The following GPHN variants were observed in gnomAD, a reference collection of about 807,000 sequenced individuals.
GPHN encodes gephyrin.
Under a neutral mutation model 95.5 loss-of-function variants are expected in GPHN, and 17 were observed. The observed-to-expected ratio is 0.18, with a 90% CI of 0.12 to 0.27. The LOEUF (loss-of-function observed/expected upper bound fraction) is 0.27. GPHN is among the 10% of genes least tolerant of loss of function. GPHN has a pLI of 1.00. For missense variants in GPHN, 660 were observed against 978.1 expected (o/e 0.67, Z 4.34); for synonymous variants, 320 against 322.5 (o/e 0.99, Z 0.08).
At chr14:67,007,859 G>A (rs886301234) in intron 9 of GPHN, among the ~76,000 whole-genome samples, 1 of 152,154 alleles carries the variant, frequency 6.6e-6, no homozygotes, top group African/African-American at 2.4e-5. Flanking sequence ...AGGAGTGATG[G>A]AAGAGAGAGA....
chr14:67,642,209 G>T, the GPHN span: 2 of 1,614,036 alleles, frequency 1.2e-6, no homozygotes, highest in Non-Finnish European at 1.7e-6. Flanking sequence ...AGACTTTGGA[G>T]ATTTGAGTTT....
At chr14:66,828,586 T>C (rs1019842483) in intron 4 of GPHN, among the ~76,000 whole-genome samples, 27 of 152,112 alleles carry the variant, frequency 1.8e-4, no homozygotes, top group African/African-American at 6.0e-4. Flanking sequence ...TAATGCTTTA[T>C]AGTCGATGAT....
At chr14:67,169,398 G>A (rs72717320) in intron 21 of GPHN, among the ~76,000 whole-genome samples, 1 of 152,152 alleles carries the variant, frequency 6.6e-6, no homozygotes, top group African/African-American at 2.4e-5. Flanking sequence ...TGCAAACTCA[G>A]AGGGACAGCA....
At chr14:67,302,668 A>G in the GPHN span, 2 of 958,170 alleles carry the variant, frequency 2.1e-6, no homozygotes, top group Non-Finnish European at 2.8e-6. Flanking sequence ...TAAGAGCACT[A>G]GATGATTTCT....
the GPHN span, among the ~76,000 whole-genome samples, chr14:67,318,146 T>A: frequency 6.6e-6 from 1 of 152,236 alleles, no homozygotes; most frequent in Non-Finnish European, 1.5e-5. Context: ...TTGGTTCACA[T>A]TAGAAGCAAC....
chr14:67,581,858 T>G, the GPHN span: 1 of 545,280 alleles, frequency 1.8e-6, no homozygotes, highest in East Asian at 3.2e-5. Flanking sequence ...GAATGAACCA[T>G]GCCCTCCTGT....
intron 1 of GPHN, among the ~76,000 whole-genome samples, chr14:66,510,411 A>G (rs2057997837): frequency 6.6e-6 from 1 of 152,248 alleles, no homozygotes; most frequent in African/African-American, 2.4e-5. Flanking sequence ...CATTTAACGA[A>G]TCAACTTACC....
chr14:66,790,173 T>C (rs2059922043), intron 3 of GPHN, among the ~76,000 whole-genome samples: 1 of 152,236 alleles, frequency 6.6e-6, no homozygotes, highest in African/African-American at 2.4e-5. Context: ...AAATCTCTTA[T>C]TACCCAGCTT....
At chr14:66,798,977 C>T (rs1003563290) in intron 3 of GPHN, among the ~76,000 whole-genome samples, 2 of 151,822 alleles carry the variant, frequency 1.3e-5, no homozygotes, top group Admixed American at 6.6e-5. Context: ...CTTAGTACTG[C>T]TTTTGCTGTA....
chr14:67,573,824 A>G, the GPHN span: 2 of 1,613,362 alleles, frequency 1.2e-6, no homozygotes, highest in African/African-American at 2.7e-5. The surrounding 1 kb of genome is among the most constrained non-coding windows in gnomAD (Gnocchi z 4.8). Context: ...GGAAACCTCA[A>G]GGCCAAGTGG....
At chr14:66,579,194 T>C (rs1402985433) in intron 1 of GPHN, among the ~76,000 whole-genome samples, 1 of 151,742 alleles carries the variant, frequency 6.6e-6, no homozygotes, top group Non-Finnish European at 1.5e-5. Context: ...AAGAAAGAGC[T>C]ACAGTAGATA....
chr14:67,731,527 T>G, the GPHN span, among the ~76,000 whole-genome samples: 1 of 152,006 alleles, frequency 6.6e-6, no homozygotes, highest in Non-Finnish European at 1.5e-5. Flanking sequence ...CCCATCATAT[T>G]TCTATTGGAC....
the GPHN span, among the ~76,000 whole-genome samples, chr14:67,591,168 A>C: frequency 6.6e-6 from 1 of 152,188 alleles, no homozygotes; most frequent in Non-Finnish European, 1.5e-5. Context: ...AGTAAGAGGA[A>C]ATACTGATAG....
intron 5 of GPHN, among the ~76,000 whole-genome samples, chr14:66,891,728 T>C (rs952418131): frequency 2.0e-5 from 3 of 151,972 alleles, no homozygotes; most frequent in African/African-American, 7.2e-5. Context: ...CACAATCACA[T>C]ATCTGGCAAG....
At chr14:66,606,078 C>G (rs1376469083) in intron 1 of GPHN, among the ~76,000 whole-genome samples, 1 of 152,062 alleles carries the variant, frequency 6.6e-6, no homozygotes, top group African/African-American at 2.4e-5. Flanking sequence ...AACCTGATGT[C>G]AAGAAGTGCA....
At chr14:67,383,361 T>C in the GPHN span, 1 of 1,613,646 alleles carries the variant, frequency 6.2e-7, no homozygotes, top group Non-Finnish European at 8.5e-7. Flanking sequence ...GCGAGGCAGA[T>C]GGAGAGGCTT....
chr14:66,818,483 T>C (rs2061067460), intron 3 of GPHN, among the ~76,000 whole-genome samples: 1 of 152,228 alleles, frequency 6.6e-6, no homozygotes. Context: ...GTACCACATT[T>C]TCTTTATTCA....
At chr14:66,656,765 A>G (rs1347158190) in intron 1 of GPHN, among the ~76,000 whole-genome samples, 1 of 152,188 alleles carries the variant, frequency 6.6e-6, no homozygotes, top group Non-Finnish European at 1.5e-5. Flanking sequence ...AACTTAATCA[A>G]TAAATGTTGT....
chr14:67,231,757 C>T, the GPHN span, among the ~76,000 whole-genome samples: 859 of 151,982 alleles, frequency 5.7e-3, 10 homozygotes, highest in African/African-American at 0.019. Context: ...CACTTGAGGT[C>T]GGAGTTAGAG....
Sources: allele counts gnomAD v4.1 joint callset (sites outside exome capture counted in the v4.1 genomes callset), GRCh38; gene constraint gnomAD v4.1.1; non-coding constraint Gnocchi (gnomAD v3.1); transcripts MANE v1.5; gene names NCBI Gene and HGNC (gene_info 2026-07-23, HGNC 2026-07-21).